Variants in EPHB1 observed in about 807,000 individuals in gnomAD.
EPHB1 encodes ephrin type-B receptor 1.
EPHB1 carries 30 observed loss-of-function variants against 94.4 expected under a neutral mutation model. That is an observed-to-expected ratio of 0.32 (90% CI 0.24 to 0.43). The LOEUF (loss-of-function observed/expected upper bound fraction) is 0.43, where lower values mean the gene tolerates loss of function less well. EPHB1 is among the 20% of genes least tolerant of loss of function. The probability of loss-of-function intolerance (pLI) is 1.00; values close to 1 mark genes in which losing one functional copy is unlikely to be tolerated. For synonymous variants in EPHB1, 522 were observed against 489.1 expected, an observed-to-expected ratio of 1.07 and a Z score of -0.89; for missense variants, 1,055 against 1,308.3, an observed-to-expected ratio of 0.81 and a Z score of 2.99.
chr3:135,252,550 A>C (rs74399098), intron 15 of EPHB1, among the ~76,000 whole-genome samples: 16,228 of 148,426 alleles, frequency 0.11, 968 homozygotes, highest in Middle Eastern at 0.2. Flanking sequence ...TGAACTCATC[A>C]TTTTTTATGG....
intron 3 of EPHB1, among the ~76,000 whole-genome samples, chr3:135,039,242 C>G (rs1013287168): frequency 6.6e-6 from 1 of 152,140 alleles, no homozygotes; most frequent in Non-Finnish European, 1.5e-5. Context: ...TAGAGAGTGT[C>G]GATTGGTGCA....
intron 1 of EPHB1, among the ~76,000 whole-genome samples, chr3:134,909,617 C>G (rs751391600): frequency 3.3e-5 from 5 of 152,208 alleles, no homozygotes; most frequent in African/African-American, 1.2e-4. Flanking sequence ...ACCTCCAGAT[C>G]CTGAAGCTAC....
chr3:134,892,975 A>C (rs959690233), intron 1 of EPHB1, among the ~76,000 whole-genome samples: 1 of 152,170 alleles, frequency 6.6e-6, no homozygotes, highest in African/African-American at 2.4e-5. Context: ...CAGAGGATGC[A>C]TCCTGCACAG....
At chr3:134,982,541 C>T (rs1220895942) in intron 3 of EPHB1, among the ~76,000 whole-genome samples, 1 of 152,180 alleles carries the variant, frequency 6.6e-6, no homozygotes, top group African/African-American at 2.4e-5. Flanking sequence ...TCAGCTCTGT[C>T]CCTCAGTCTA....
intron 13 of EPHB1, among the ~76,000 whole-genome samples, chr3:135,244,986 T>TAA (rs1277043483): frequency 6.6e-6 from 1 of 152,086 alleles, no homozygotes; most frequent in Non-Finnish European, 1.5e-5. Context: ...ACAAATGGAG[T>TAA]AAAGTCCCAT....
chr3:134,996,919 T>G (rs1935014457), intron 3 of EPHB1, among the ~76,000 whole-genome samples: 1 of 152,196 alleles, frequency 6.6e-6, no homozygotes, highest in South Asian at 2.1e-4. Context: ...TTTAGCAAAA[T>G]TTAACATTTT....
chr3:135,245,609 C>A (rs1576497198), intron 13 of EPHB1, among the ~76,000 whole-genome samples: 1 of 150,754 alleles, frequency 6.6e-6, no homozygotes, highest in South Asian at 2.1e-4. Context: ...AGATTGAGAC[C>A]ATCCTGGCCA....
chr3:135,211,172 T>C (rs144563533), intron 12 of EPHB1, among the ~76,000 whole-genome samples: 1 of 152,332 alleles, frequency 6.6e-6, no homozygotes, highest in East Asian at 1.9e-4. Context: ...CCACTTTACA[T>C]AAAATGTAGA....
At chr3:134,876,186 T>G (rs1253331003) in intron 1 of EPHB1, among the ~76,000 whole-genome samples, 1 of 152,104 alleles carries the variant, frequency 6.6e-6, no homozygotes, top group Non-Finnish European at 1.5e-5. Flanking sequence ...CTCACCCACA[T>G]CTAGGTTAAA....
At chr3:134,863,839 C>G (rs747332152) in intron 1 of EPHB1, among the ~76,000 whole-genome samples, 1 of 152,208 alleles carries the variant, frequency 6.6e-6, no homozygotes, top group African/African-American at 2.4e-5. Context: ...GTCCAGCTTC[C>G]TATGCCGTAG....
At chr3:134,996,753 A>G (rs1935007875) in intron 3 of EPHB1, among the ~76,000 whole-genome samples, 1 of 151,992 alleles carries the variant, frequency 6.6e-6, no homozygotes, top group South Asian at 2.1e-4. Flanking sequence ...TTAAAAATTG[A>G]TTGCCAGTTG....
chr3:135,214,813 T>C (rs972372451), intron 12 of EPHB1, among the ~76,000 whole-genome samples: 3 of 152,178 alleles, frequency 2.0e-5, no homozygotes, highest in African/African-American at 7.2e-5. Context: ...AATTGATCCC[T>C]GTGTTCAGCA....
chr3:135,092,519 G>A (rs1484141377), intron 3 of EPHB1, among the ~76,000 whole-genome samples: 3 of 152,128 alleles, frequency 2.0e-5, no homozygotes. Flanking sequence ...TCTGAGAACT[G>A]ATACTGTTTC....
intron 5 of EPHB1, among the ~76,000 whole-genome samples, chr3:135,143,067 C>T (rs907506167): frequency 7.3e-5 from 11 of 150,292 alleles, no homozygotes; most frequent in Admixed American, 4.7e-4. Flanking sequence ...AAGGTGTCCT[C>T]AAGGGACAGC....
At chr3:135,032,396 G>C (rs893707867) in intron 3 of EPHB1, among the ~76,000 whole-genome samples, 6 of 150,232 alleles carry the variant, frequency 4.0e-5, no homozygotes, top group African/African-American at 1.5e-4. Context: ...ATAGCATCCT[G>C]TTTTACTTTC....
intron 1 of EPHB1, among the ~76,000 whole-genome samples, chr3:134,903,372 G>C (rs140966897): frequency 1.4e-4 from 21 of 152,342 alleles, no homozygotes; most frequent in African/African-American, 5.0e-4. Context: ...TATGGAATGA[G>C]AGAGGCTGAC....
chr3:135,236,129 G>C (rs1199290142), intron 12 of EPHB1, among the ~76,000 whole-genome samples: 1 of 152,142 alleles, frequency 6.6e-6, no homozygotes, highest in Non-Finnish European at 1.5e-5. Context: ...CAGTTCTGGA[G>C]GCTGAAAGTC....
At chr3:135,169,044 T>C (rs988048153) in intron 9 of EPHB1, among the ~76,000 whole-genome samples, 2 of 152,156 alleles carry the variant, frequency 1.3e-5, no homozygotes, top group Admixed American at 6.5e-5. Context: ...ACCTGAGATC[T>C]GGCTGTTCTC....
intron 5 of EPHB1, among the ~76,000 whole-genome samples, chr3:135,146,188 T>A (rs1274430328): frequency 3.9e-5 from 6 of 152,026 alleles, no homozygotes; most frequent in Non-Finnish European, 8.8e-5. Flanking sequence ...TGTGGGGCAG[T>A]GTGAGGCTCC....
Sources: allele counts gnomAD v4.1 joint callset (sites outside exome capture counted in the v4.1 genomes callset), GRCh38; gene constraint gnomAD v4.1.1; transcripts MANE v1.5; gene names NCBI Gene and HGNC (gene_info 2026-07-23, HGNC 2026-07-21).